The following RBM41 variants were observed in gnomAD, a reference collection of about 807,000 sequenced individuals.
RBM41 encodes the protein RNA-binding protein 41.
RBM41 carries 14 observed loss-of-function variants against 30.8 expected under a neutral mutation model. The ratio of observed to expected loss-of-function variants is 0.45; its 90% CI spans 0.30 to 0.71. The LOEUF (loss-of-function observed/expected upper bound fraction) is 0.71, where lower values mean the gene tolerates loss of function less well. Ranked by LOEUF, RBM41 falls within the 30% of genes least tolerant of loss-of-function variation. The pLI, the probability that RBM41 is intolerant of heterozygous loss-of-function variation, is 0.08. For synonymous variants in RBM41, 120 were observed against 110.1 expected (o/e 1.09, Z -0.56); for missense variants, 276 against 326.3 (o/e 0.85, Z 1.19).
chrX:107,080,920 G>GT (rs1921467002), intron 6 of RBM41, among the ~76,000 whole-genome samples: 3 of 111,917 alleles, frequency 2.7e-5, no homozygotes, highest in African/African-American at 9.7e-5. Context: ...TTGGATACAA[G>GT]TTTTTTATTA....
intron 6 of RBM41, 56 bp from the exon 7 acceptor site, chrX:107,069,458 T>C: frequency 8.9e-7 from 1 of 1,120,699 alleles, no homozygotes; most frequent in Admixed American, 2.8e-5. Context: ...AGGCACTCTT[T>C]GTTTTTTTCT....
At position 107,080,999 on chromosome X, in the gene RBM41, T is replaced by C. The variant is rs1921473202; in HGVS notation, c.999+7437A>G. Among the ~76,000 whole-genome samples, 3 of 111,960 alleles carry C rather than the reference T, an allele frequency of 2.7e-5. No homozygotes were observed. The Admixed American group carries it at 2.9e-4, about 11-fold the overall frequency. On this transcript the variant is annotated intron_variant, in intron 6 of 7. Coordinates refer to ENST00000685964, the MANE Select transcript of RBM41 (RefSeq NM_001324242.2). ...TTGATTCTCTTAAAAGTGTTTTTCA[T>C]ATAGCAGAAGTTTATAATGTTAATA...
At chrX:107,107,491 G>C (rs1924105479) in intron 5 of RBM41, among the ~76,000 whole-genome samples, 1 of 111,863 alleles carries the variant, frequency 8.9e-6, no homozygotes, top group Admixed American at 9.5e-5. Context: ...TAGGGACTAG[G>C]AGATAGATTG....
At chrX:107,094,672 T>C (rs965043728) in intron 5 of RBM41, among the ~76,000 whole-genome samples, 1 of 111,475 alleles carries the variant, frequency 9.0e-6, no homozygotes, top group African/African-American at 3.3e-5. Flanking sequence ...AGGAAGATGA[T>C]TCTGGATTAT....
At chrX:107,090,528 A>C (rs190125220) in intron 5 of RBM41, among the ~76,000 whole-genome samples, 15 of 111,912 alleles carry the variant, frequency 1.3e-4, no homozygotes, top group Non-Finnish European at 2.8e-4. Flanking sequence ...GAGCCCCTTC[A>C]AATCGGCTCC....
rs747350420 is a variant in RBM41, at chrX:107,115,446, C to G, written c.429G>C (p.Lys143Asn). Residue 143 changes from lysine (K) to asparagine (N), a missense_variant, in exon 4 of 8, where the codon AAG (lysine) becomes AAC (asparagine). Transcript: ENST00000685964. ...TTTCTCGCCGGGTCAGCTGTTTGCT[C>G]TTTGCAAATCTCTGTGGCAGGCAAA... ...RILCLPQRFA[K>N]SKQLTRREME... 1 of 1,210,122 alleles carries G rather than the reference C, an allele frequency of 8.3e-7. No homozygotes were observed. Among genetic ancestry groups the G allele is most frequent in the Non-Finnish European group, 1.1e-6 (1 of 895,179 alleles).
intron 5 of RBM41, among the ~76,000 whole-genome samples, chrX:107,106,056 GA>G (rs1216483251): frequency 9.0e-6 from 1 of 111,710 alleles, no homozygotes; most frequent in Non-Finnish European, 1.9e-5. Flanking sequence ...TACAGCGAAA[GA>G]AACTACCATC....
the RBM41 span, among the ~76,000 whole-genome samples, chrX:107,052,113 CTTATT>C: frequency 9.0e-6 from 1 of 111,315 alleles, no homozygotes; most frequent in Non-Finnish European, 1.9e-5. Flanking sequence ...ACCATCTAGA[CTTATT>C]TTAATTATTT....
At chrX:107,068,991 G>A (rs768778213) in intron 7 of RBM41, among the ~76,000 whole-genome samples, 1 of 111,688 alleles carries the variant, frequency 9.0e-6, no homozygotes, top group Admixed American at 9.5e-5. Context: ...AAATACTATT[G>A]TCAGTGAAGG....
chrX:107,069,866 TAAAA>T (rs72211602), intron 6 of RBM41: 4,769 of 82,224 alleles, frequency 0.058, 320 homozygotes, highest in African/African-American at 0.2. Flanking sequence ...TATAGGCACT[TAAAA>T]AAAAAAAAAA....
rs1935708725 is a variant in RBM41 at position 107,063,244 on chromosome X, T to C, written c.*4283A>G. 9.0e-6 allele frequency among the ~76,000 whole-genome samples: 1 copy of C among 110,725 alleles called. No homozygotes were observed. The highest frequency in any genetic ancestry group is 3.3e-5 in the African/African-American group (1 of 30,474). On this transcript the variant is annotated 3_prime_UTR_variant, in exon 8 of 8. Transcript: ENST00000685964. ...CTCTGTGCTAGCCCTAAGCAACCAC[T>C]AATCCACTTTCTATCTCTATATATT...
At chrX:107,085,808 T>C (rs1347102493) in intron 6 of RBM41, among the ~76,000 whole-genome samples, 2 of 111,267 alleles carry the variant, frequency 1.8e-5, no homozygotes, top group Admixed American at 9.6e-5. Flanking sequence ...AGGATCTCCT[T>C]AAAATGATTC....
chrX:107,098,009 CTGAAT>C (rs1470471251), intron 5 of RBM41, among the ~76,000 whole-genome samples: 1 of 111,683 alleles, frequency 9.0e-6, no homozygotes, highest in Non-Finnish European at 1.9e-5. Context: ...CTAAAAATCA[CTGAAT>C]TGAACACTTA....
At chrX:107,097,422 G>A (rs1337485881) in intron 5 of RBM41, among the ~76,000 whole-genome samples, 1 of 111,322 alleles carries the variant, frequency 9.0e-6, no homozygotes, top group East Asian at 2.8e-4. Context: ...GACTTAGTGG[G>A]ACGTGACTGG....
intron 5 of RBM41, among the ~76,000 whole-genome samples, chrX:107,107,817 G>A (rs369885863): frequency 3.6e-5 from 4 of 111,291 alleles, no homozygotes; most frequent in Non-Finnish European, 3.8e-5. Context: ...AGGAACTGGA[G>A]ATATAAACAG....
intron 6 of RBM41, 110 bp downstream of exon 6, chrX:107,088,326 C>CTA (rs758100894): frequency 1.3e-6 from 1 of 743,281 alleles, no homozygotes; most frequent in Non-Finnish European, 2.0e-6. Context: ...ATCACTGTGC[C>CTA]TATATCATGA....
intron 5 of RBM41, among the ~76,000 whole-genome samples, chrX:107,112,411 G>A (rs900443008): frequency 9.0e-6 from 1 of 111,340 alleles, no homozygotes; most frequent in African/African-American, 3.3e-5. Flanking sequence ...AGAGCAACTC[G>A]AACTTTCATA....
At position 107,062,519 on chromosome X, in the gene RBM41, C is replaced by T. The variant is rs191962611; in HGVS notation, c.*5008G>A. On this transcript the variant is annotated 3_prime_UTR_variant, in exon 8 of 8. Transcript: ENST00000685964. ...AATTAGAGTGTTAATCCTAAGTGAG[C>T]AGTATATCAAAGGAATAGGAGTTTG... is the stretch of plus-strand genomic sequence containing the variant. Among the ~76,000 whole-genome samples the T allele has an allele frequency of 4.5e-5, 5 of 110,958 alleles. No homozygotes were observed. In the Admixed American group the frequency reaches 4.8e-4, roughly 11 times the overall value.
At chrX:107,069,665 G>A (rs957017018) in intron 6 of RBM41, 2 of 199,559 alleles carry the variant, frequency 1.0e-5, no homozygotes, top group African/African-American at 6.0e-5. Context: ...ATGTTGTCCA[G>A]GCTGGTCTTG....
Sources: allele counts gnomAD v4.1 joint callset (sites outside exome capture counted in the v4.1 genomes callset), GRCh38; gene constraint gnomAD v4.1.1; transcripts MANE v1.5; gene names NCBI Gene and HGNC (gene_info 2026-07-23, HGNC 2026-07-21).